The following GNS variants were observed in gnomAD, a reference collection of about 807,000 sequenced individuals.
The protein encoded by GNS is glucosamine (N-acetyl)-6-sulfatase.
A neutral mutation model predicts 69.7 loss-of-function variants in GNS; 40 were observed. The ratio of observed to expected loss-of-function variants is 0.57; its 90% confidence interval spans 0.45 to 0.75. The LOEUF (loss-of-function observed/expected upper bound fraction) is 0.75. Ranked by LOEUF, GNS falls within the 30% of genes least tolerant of loss-of-function variation. The pLI is 0.00. For missense variants in GNS, 565 were observed against 685.5 expected (o/e 0.82, Z 1.96); for synonymous variants, 243 against 251.6 (o/e 0.97, Z 0.32).
intron 1 of GNS, among the ~76,000 whole-genome samples, chr12:64,754,013 T>C (rs1370011243): frequency 1.3e-5 from 2 of 152,186 alleles, no homozygotes. Context: ...AAAGAGTAAG[T>C]GGAGAAAAGG....
chr12:64,748,800 C>T (rs1041669575), intron 2 of GNS, among the ~76,000 whole-genome samples: 19 of 152,068 alleles, frequency 1.2e-4, no homozygotes, highest in Non-Finnish European at 2.6e-4. Flanking sequence ...ATACTTGGAC[C>T]AGCAGGGAAG....
intron 9 of GNS, among the ~76,000 whole-genome samples, chr12:64,735,789 TG>T (rs1282358051): frequency 6.6e-6 from 1 of 152,198 alleles, no homozygotes; most frequent in Non-Finnish European, 1.5e-5. Flanking sequence ...AGAGGAAGCC[TG>T]TTTAGAAGGC....
intron 7 of GNS, among the ~76,000 whole-genome samples, chr12:64,739,836 A>G (rs554583525): frequency 1.3e-5 from 2 of 152,354 alleles, no homozygotes; most frequent in Admixed American, 1.3e-4. Flanking sequence ...TAGTGATGAG[A>G]GTAGAGACAA....
At chr12:64,726,995 GACAA>G (rs1869222076) in intron 10 of GNS, among the ~76,000 whole-genome samples, 2 of 151,428 alleles carry the variant, frequency 1.3e-5, no homozygotes, top group Non-Finnish European at 1.5e-5. Flanking sequence ...ACAAATGGCT[GACAA>G]ACACATGATG....
intron 13 of GNS, among the ~76,000 whole-genome samples, chr12:64,718,429 G>A (rs1362069552): frequency 2.6e-5 from 4 of 152,222 alleles, no homozygotes; most frequent in African/African-American, 7.2e-5. Flanking sequence ...AGGAAATAAC[G>A]TATTCACTTC....
intron 6 of GNS, 143 bp from the exon 7 acceptor site, chr12:64,740,831 C>T: frequency 1.5e-6 from 1 of 660,726 alleles, no homozygotes; most frequent in Non-Finnish European, 2.7e-6. Flanking sequence ...TAAGCAATTT[C>T]AGAACTTCTC....
chr12:64,740,226 T>C (rs1337765504), intron 7 of GNS, among the ~76,000 whole-genome samples: 1 of 152,218 alleles, frequency 6.6e-6, no homozygotes, highest in Non-Finnish European at 1.5e-5. Flanking sequence ...TTCTTGAAAA[T>C]TCCAAATGGC....
chr12:64,718,101 A>T (rs1201098967), intron 13 of GNS, among the ~76,000 whole-genome samples: 1 of 152,226 alleles, frequency 6.6e-6, no homozygotes, highest in Non-Finnish European at 1.5e-5. Flanking sequence ...GTGGGGCTAG[A>T]TTGGGCTCAC....
intron 6 of GNS, among the ~76,000 whole-genome samples, chr12:64,742,180 C>T (rs1328289316): frequency 2.0e-5 from 3 of 152,062 alleles, no homozygotes; most frequent in African/African-American, 7.2e-5. Flanking sequence ...ACCACCACGC[C>T]CGGCTAATTT....
intron 5 of GNS, among the ~76,000 whole-genome samples, chr12:64,743,637 G>A (rs1394401812): frequency 6.6e-6 from 1 of 152,070 alleles, no homozygotes; most frequent in Admixed American, 6.6e-5. Flanking sequence ...TGGAGATTAT[G>A]GTATCTACAT....
intron 11 of GNS, among the ~76,000 whole-genome samples, chr12:64,722,635 T>G (rs1869066668): frequency 6.6e-6 from 1 of 152,186 alleles, no homozygotes. Flanking sequence ...GAGGCACTCA[T>G]AATGGCATGG....
rs188119987 is a variant in GNS, at chr12:64,713,932, C to G, written c.*2809G>C. On this transcript the variant is annotated 3_prime_UTR_variant, in exon 14 of 14. Coordinates refer to ENST00000258145, the MANE Select transcript of GNS (RefSeq NM_002076.4). ...GGATCACCTGAGGTCAGGAGTTAAT[C>G]AGCCTGGCCAACATGGTGAAACCCC... The G allele has an allele frequency of 6.6e-6, 1 of 152,130 alleles. No homozygotes were observed. Among genetic ancestry groups the G allele is most frequent in the South Asian group, 2.1e-4 (1 of 4,830 alleles). The allele number at this position is 152,130 out of a possible 1,614,324, so 9.4% of individuals were successfully genotyped here.
At chr12:64,723,196 C>A in intron 10 of GNS, 83 bp from the exon 11 acceptor site, 1 of 861,356 alleles carries the variant, frequency 1.2e-6, no homozygotes, top group Non-Finnish European at 2.0e-6. Context: ...TAAAGGGGAC[C>A]TGGGAGTCAA....
At chr12:64,749,353 C>T (rs1324549975) in intron 2 of GNS, among the ~76,000 whole-genome samples, 2 of 148,706 alleles carry the variant, frequency 1.3e-5, no homozygotes, top group Non-Finnish European at 3.0e-5. Context: ...CCTGGGTTCA[C>T]GCCATTCTCC....
At position 64,759,383 on chromosome 12, in the gene GNS, G is replaced by GA; in HGVS notation, c.-108dup. On this transcript the variant is annotated 5_prime_UTR_variant, in exon 1 of 14. Transcript: ENST00000258145. Reference sequence around the variant, plus strand: ...CCGAAGGAATAAAAAGCCGTGCCTTGAAGGCCGGTGGCTGGAGTCAGACGT... The same window carrying GA: ...CCGAAGGAATAAAAAGCCGTGCCTTGAAAGGCCGGTGGCTGGAGTCAGACGT... The GA allele has an allele frequency of 1.3e-6, 1 of 745,174 alleles. No individual in the cohort carries two copies. The highest frequency in any genetic ancestry group is 2.1e-6 in the Non-Finnish European group (1 of 470,568). The allele number at this position is 745,174 out of a possible 1,614,324, so 46.2% of individuals were successfully genotyped here.
intron 7 of GNS, among the ~76,000 whole-genome samples, chr12:64,740,076 G>T (rs1052647407): frequency 1.3e-5 from 2 of 152,240 alleles, no homozygotes; most frequent in Non-Finnish European, 2.9e-5. Flanking sequence ...GAGCTGAGTA[G>T]TTGTGACAGA....
At chr12:64,721,444 C>A (rs1008648468) in intron 12 of GNS, 151 bp downstream of exon 12, 5 of 676,956 alleles carry the variant, frequency 7.4e-6, no homozygotes, top group Admixed American at 2.1e-5. Context: ...CATGGCCTTA[C>A]AACTGAAGGA....
At position 64,747,969 on chromosome 12, in the gene GNS, T is replaced by C. The variant is rs747031086; in HGVS notation, c.253-51A>G. 3 of 950,426 alleles carry C rather than the reference T, an allele frequency of 3.2e-6. No individual in the cohort carries two copies. The East Asian group carries it at 7.2e-5, about 23-fold the overall frequency. 58.9% of individuals were successfully genotyped at this position (950,426 alleles called of 1,614,324 possible). A position where few individuals can be genotyped will look rare whatever the true frequency, so the allele number is the denominator to read the frequency against. ...ACAAAGTCACACAAGAAAGATGGAC[T>C]TCTCATCATTGTTAAAGAGAGTAAA... is the stretch of plus-strand genomic sequence containing the variant. On this transcript the variant is annotated intron_variant, in intron 2 of 13. Transcript: ENST00000258145.
intron 1 of GNS, among the ~76,000 whole-genome samples, chr12:64,754,639 AG>A (rs1462641908): frequency 6.6e-6 from 1 of 152,176 alleles, no homozygotes; most frequent in Non-Finnish European, 1.5e-5. Context: ...CTGTTATCCC[AG>A]CACTTTAGAA....
Sources: allele counts gnomAD v4.1 joint callset (sites outside exome capture counted in the v4.1 genomes callset), GRCh38; gene constraint gnomAD v4.1.1; transcripts MANE v1.5; gene names NCBI Gene and HGNC (gene_info 2026-07-23, HGNC 2026-07-21).